Variants in FBRS observed in about 807,000 individuals in gnomAD.
FBRS encodes fibrosin.
A neutral mutation model predicts 86.1 loss-of-function variants in FBRS; 15 were observed. That is an observed-to-expected ratio of 0.17 (90% CI 0.12 to 0.27). The LOEUF (loss-of-function observed/expected upper bound fraction) is 0.27, where lower values mean the gene tolerates loss of function less well. FBRS is among the 10% of genes least tolerant of loss of function. The pLI, the probability that FBRS is intolerant of heterozygous loss-of-function variation, is 1.00. For missense variants in FBRS, 1,367 were observed against 1,301.6 expected (o/e 1.05, Z -0.77); for synonymous variants, 666 against 575.8 (o/e 1.16, Z -2.24).
rs1057086865 is a variant in FBRS, at chr16:30,669,276, G to A, written c.2574G>A (p.Leu858=). The part of the protein sequence containing the change: ...AATGPQGLHL[L]FERPRPPPFL... ...CTGGGCCCCAGGGCCTTCACCTGCTGTTTGAGAGGCCCCGGCCGCCCCCGT... is the reference window on the plus strand; with the variant it reads ...CTGGGCCCCAGGGCCTTCACCTGCTATTTGAGAGGCCCCGGCCGCCCCCGT... Residue 858 remains leucine, a synonymous_variant, in exon 18 of 18, where the codon CTG becomes CTA. Transcript: ENST00000356166. The surrounding 1 kb of genome is among the most constrained non-coding windows in gnomAD (Gnocchi z 5.9). 1.5e-5 allele frequency: 23 copies of A among 1,569,334 alleles called. No individual in the cohort carries two copies. The highest frequency in any genetic ancestry group is 2.7e-5 in the African/African-American group (2 of 73,594).
At position 30,658,439 on chromosome 16, in the gene FBRS, A is replaced by C. The variant is rs1251440372; in HGVS notation, c.-1080A>C. ...GAGCGTGGGAGGAGGCCGAGAGAGG[A>C]AGGAGGCGTAGGCTGAGGAGGAAGA... On this transcript the variant is annotated 5_prime_UTR_variant, in exon 1 of 18. Coordinates refer to ENST00000356166, the MANE Select transcript of FBRS (RefSeq NM_001105079.3). 6.5e-6 allele frequency: 1 copy of C among 152,742 alleles called. No homozygotes were observed. The highest frequency in any genetic ancestry group is 1.5e-5 in the Non-Finnish European group (1 of 68,424). 9.5% of individuals were successfully genotyped at this position (152,742 alleles called of 1,614,324 possible). A position where few individuals can be genotyped will look rare whatever the true frequency, so the allele number is the denominator to read the frequency against.
rs2052471207 is a variant in FBRS at position 30,662,292 on chromosome 16, A to G, written c.706-128A>G. ...TAGAGCCCAGTCTTTGATGGATCTC[A>G]GCTAAACTGAAGGAACAGACTTGCC... On this transcript the variant is annotated intron_variant, in intron 4 of 17. Transcript: ENST00000356166. The G allele has an allele frequency of 4.3e-6, 6 of 1,406,174 alleles. No homozygotes were observed. The Admixed American group carries it at 1.3e-4, about 30-fold the overall frequency. The allele number at this position is 1,406,174 out of a possible 1,614,324, so 87.1% of individuals were successfully genotyped here.
chr16:30,660,747 A>G (rs2052449819), intron 2 of FBRS, among the ~76,000 whole-genome samples: 1 of 152,224 alleles, frequency 6.6e-6, no homozygotes, highest in African/African-American at 2.4e-5. Context: ...GTGGCAGTCC[A>G]GCAGAAAAGA....
Position 30,664,397 on chromosome 16 carries a change from GGCCCCCCCC to G in FBRS, c.1239_1247del (p.Pro416_Pro418del). ...CACAGCTTTCCCCCTCCCGGGCTGCGGCCCCCCCCACCACCCCACCACCCCTCCTTGTTC... is the reference window on the plus strand; with the variant it reads ...CACAGCTTTCCCCCTCCCGGGCTGCGACCACCCCACCACCCCTCCTTGTTC... On this transcript the variant is annotated inframe_deletion, in exon 7 of 18. Transcript: ENST00000356166. 1.4e-6 allele frequency: 2 copies of G among 1,403,856 alleles called. No homozygotes were observed. The highest frequency in any genetic ancestry group is 1.9e-6 in the Non-Finnish European group (2 of 1,050,134). 87.0% of individuals were successfully genotyped at this position (1,403,856 alleles called of 1,614,324 possible). A position where few individuals can be genotyped will look rare whatever the true frequency, so the allele number is the denominator to read the frequency against.
At chr16:30,666,219 C>CT in intron 11 of FBRS, 3 of 577,534 alleles carry the variant, frequency 5.2e-6, no homozygotes, top group South Asian at 4.3e-5. Context: ...CCGCTATACT[C>CT]TAAAGTTGGT....
At chr16:30,667,839 C>T (rs2052541476) in intron 15 of FBRS, 1 of 461,354 alleles carries the variant, frequency 2.2e-6, no homozygotes, top group African/African-American at 2.0e-5. Flanking sequence ...AGCTGGAGCC[C>T]TGTCTCCCAG....
rs1596622365 is a variant in FBRS at position 30,670,403 on chromosome 16, G to A, written c.*758G>A. The A allele has an allele frequency of 2.8e-6, 1 of 356,112 alleles. No individual in the cohort carries two copies. Among genetic ancestry groups the A allele is most frequent in the East Asian group, 7.9e-5 (1 of 12,636 alleles). 22.1% of individuals were successfully genotyped at this position (356,112 alleles called of 1,614,324 possible). On this transcript the variant is annotated 3_prime_UTR_variant, in exon 18 of 18. Coordinates refer to ENST00000356166, the MANE Select transcript of FBRS (RefSeq NM_001105079.3). ...CCCCCAACATGTTCCCGTTCACTCT[G>A]CCCCCACCCCCAAAGGCTCAGCCTC... is the stretch of plus-strand genomic sequence containing the variant.
Position 30,665,456 on chromosome 16 carries a change from C to A in FBRS, c.1704+55C>A. 2 of 1,503,324 alleles carry A rather than the reference C, an allele frequency of 1.3e-6. No individual in the cohort carries two copies. Among genetic ancestry groups the A allele is most frequent in the Non-Finnish European group, 1.8e-6 (2 of 1,103,190 alleles). The allele number at this position is 1,503,324 out of a possible 1,614,324, so 93.1% of individuals were successfully genotyped here. On this transcript the variant is annotated intron_variant, in intron 10 of 17. Coordinates refer to ENST00000356166, the MANE Select transcript of FBRS (RefSeq NM_001105079.3). This position sits in a 1 kb window ranked among gnomAD's most constrained non-coding sequence, Gnocchi z 4.1. ...CCTACCATCTTGACAAACCCAGACA[C>A]GCCGGGTCCAAGCACCCTTCTCCCA...
rs1195635585 is a variant in FBRS, at chr16:30,665,654, T to C, written c.1721T>C (p.Leu574Pro). Residue 574 changes from leucine to proline, a missense_variant, in exon 11 of 18, where the codon CTG (leucine) becomes CCG (proline). Coordinates refer to ENST00000356166, the MANE Select transcript of FBRS (RefSeq NM_001105079.3). The surrounding 1 kb of genome is among the most constrained non-coding windows in gnomAD (Gnocchi z 4.1). ...CTTTCCCAGAGCACGAACCCTGAGCTGCCACCACGACTGGGGCCGGTGCCG... is the reference window on the plus strand; with the variant it reads ...CTTTCCCAGAGCACGAACCCTGAGCCGCCACCACGACTGGGGCCGGTGCCG... ...AFQPKSTNPE[L>P]PPRLGPVPSG... 1 of 1,590,738 alleles carries C rather than the reference T, an allele frequency of 6.3e-7. No homozygotes were observed. Among genetic ancestry groups the C allele is most frequent in the South Asian group, 1.1e-5 (1 of 87,018 alleles).
chr16:30,670,038 C>T lies in FBRS; in HGVS notation c.*393C>T. 5 of 504,200 alleles carry T rather than the reference C, an allele frequency of 9.9e-6. No homozygotes were observed. The highest frequency in any genetic ancestry group is 7.7e-5 in the South Asian group (5 of 64,740). The allele number at this position is 504,200 out of a possible 1,614,324, so 31.2% of individuals were successfully genotyped here. On this transcript the variant is annotated 3_prime_UTR_variant, in exon 18 of 18. Coordinates refer to ENST00000356166, the MANE Select transcript of FBRS (RefSeq NM_001105079.3). Reference sequence around the variant, plus strand: ...TCACCTACCACCCAAGTCCTCATGCCCTCCGAGGGCTGGGGGAGGAGGGGC... The same window carrying T: ...TCACCTACCACCCAAGTCCTCATGCTCTCCGAGGGCTGGGGGAGGAGGGGC...
Position 30,662,718 on chromosome 16 carries a change from G to A in FBRS, c.914G>A (p.Arg305Gln), listed in dbSNP as rs957518216. 57 of 1,547,316 alleles carry A rather than the reference G, an allele frequency of 3.7e-5. No individual in the cohort carries two copies. The highest frequency in any genetic ancestry group is 4.6e-5 in the Non-Finnish European group (53 of 1,145,052). ...GAACCACCGCCTCCACCGGTCCCTC[G>A]GCCTCCTGTCTCACCCCCTGCACCC... ...PKEPPPPPVPRPPVSPPAPLP... is the reference protein window; with the variant it reads ...PKEPPPPPVPQPPVSPPAPLP... The change falls in exon 6 of 18, where the codon CGG becomes CAG. Residue 305 changes from arginine to glutamine, a missense_variant. Transcript: ENST00000356166.
intron 11 of FBRS, 93 bp from the exon 12 acceptor site, chr16:30,666,419 A>T: frequency 6.6e-7 from 1 of 1,513,864 alleles, no homozygotes; most frequent in South Asian, 1.1e-5. Flanking sequence ...TGTCTCAGGC[A>T]TGTTGGGGGT....
chr16:30,662,314 T>C, intron 4 of FBRS, 106 bp from the exon 5 acceptor site: 2 of 1,498,676 alleles, frequency 1.3e-6, no homozygotes, highest in Admixed American at 2.0e-5. Flanking sequence ...GGAACAGACT[T>C]GCCACTACCA....
At position 30,659,503 on chromosome 16, in the gene FBRS, G is replaced by C. The variant is rs2052426962; in HGVS notation, c.-16G>C. The C allele has an allele frequency of 1.4e-5, 4 of 294,290 alleles. No homozygotes were observed. Among genetic ancestry groups the C allele is most frequent in the Non-Finnish European group, 2.5e-5 (4 of 159,790 alleles). The allele number at this position is 294,290 out of a possible 1,614,324, so 18.2% of individuals were successfully genotyped here. On this transcript the variant is annotated 5_prime_UTR_variant, in exon 1 of 18. Coordinates refer to ENST00000356166, the MANE Select transcript of FBRS (RefSeq NM_001105079.3). Reference sequence around the variant, plus strand: ...GGGCCCCGCCGCCTCCGGATGCGGCGCTGAGGGCGGTCGCCATGGAGACGG... The same window carrying C: ...GGGCCCCGCCGCCTCCGGATGCGGCCCTGAGGGCGGTCGCCATGGAGACGG...
chr16:30,662,338 G>C, intron 4 of FBRS, 82 bp from the exon 5 acceptor site: 1 of 1,542,784 alleles, frequency 6.5e-7, no homozygotes, highest in Admixed American at 2.0e-5. Flanking sequence ...GTTCCTAGCA[G>C]CCTCCAGAGG....
At chr16:30,664,992 C>A (rs759732566) in intron 8 of FBRS, 43 bp from the exon 9 acceptor site, 2 of 1,609,348 alleles carry the variant, frequency 1.2e-6, no homozygotes, top group Non-Finnish European at 8.5e-7. Context: ...GGGGAAGGCC[C>A]GGGTCCCTGG....
chr16:30,667,960 G>GA (rs2052542613), intron 15 of FBRS: 1 of 300,152 alleles, frequency 3.3e-6, no homozygotes, highest in Non-Finnish European at 6.1e-6. Flanking sequence ...GCTTCTTGGG[G>GA]AGGTTTCACC....
Position 30,660,430 on chromosome 16 carries a change from GAGA to G in FBRS, c.632_634del (p.Arg211del). ...GGGCCCGAAAATGGCCCAATAAGCGGAGAAGAAAAGAGGTGAGGTTGTCCCTTA... is the reference window on the plus strand; with the variant it reads ...GGGCCCGAAAATGGCCCAATAAGCGGAGAAAAGAGGTGAGGTTGTCCCTTA... On this transcript the variant is annotated inframe_deletion, in exon 2 of 18. Transcript: ENST00000356166. 5 of 1,258,776 alleles carry G rather than the reference GAGA, an allele frequency of 4.0e-6. No homozygotes were observed. Among genetic ancestry groups the G allele is most frequent in the Non-Finnish European group, 5.0e-6 (5 of 992,738 alleles). 78.0% of individuals were successfully genotyped at this position (1,258,776 alleles called of 1,614,324 possible).
At position 30,658,719 on chromosome 16, in the gene FBRS, T is replaced by C. The variant is rs558209783; in HGVS notation, c.-800T>C. The stretch of plus-strand genomic sequence containing the variant: ...GCCCCGCCCCGCCTCGCGCCTTTCA[T>C]GGCGACCGGAGGCGGAGGCTGGAGG... On this transcript the variant is annotated 5_prime_UTR_variant, in exon 1 of 18. The change abolishes an upstream ATG in the 5' untranslated region. Transcript: ENST00000356166. 8.9e-4 allele frequency: 135 copies of C among 152,356 alleles called. No individual in the cohort carries two copies. Among genetic ancestry groups the C allele is most frequent in the Non-Finnish European group, 1.6e-3 (111 of 68,062 alleles). The allele number at this position is 152,356 out of a possible 1,614,324, so 9.4% of individuals were successfully genotyped here.
Sources: allele counts gnomAD v4.1 joint callset (sites outside exome capture counted in the v4.1 genomes callset), GRCh38; gene constraint gnomAD v4.1.1; non-coding constraint Gnocchi (gnomAD v3.1); transcripts MANE v1.5; gene names NCBI Gene and HGNC (gene_info 2026-07-23, HGNC 2026-07-21).